Variants in TCF20 observed in about 807,000 individuals in gnomAD.
TCF20 encodes the protein transcription factor 20, also known as SPRE-binding protein.
A neutral mutation model predicts 148.6 loss-of-function variants in TCF20; 3 were observed. The ratio of observed to expected loss-of-function variants is 0.02; its 90% confidence interval spans 0.01 to 0.05. TCF20 has a LOEUF of 0.05. TCF20 is among the 10% of genes least tolerant of loss of function. TCF20 has a pLI of 1.00. For missense variants in TCF20, 2,350 were observed against 2,429.3 expected (o/e 0.97, Z 0.69); for synonymous variants, 1,049 against 909.5 (o/e 1.15, Z -2.76).
At chr22:42,273,360 CAAAAAAAAAAAAAAAAA>C (rs35166029), upstream of TCF20, among the ~76,000 whole-genome samples, 1 of 61,266 alleles carries the variant, frequency 1.6e-5, no homozygotes, top group Non-Finnish European at 2.9e-5. Context: ...AACTCCGTCT[CAAAAAAAAAAAAAAAAA>C]AAAAAAAAAA....
intron 1 of TCF20, among the ~76,000 whole-genome samples, chr22:42,240,652 A>G (rs546633022): frequency 6.6e-6 from 1 of 152,284 alleles, no homozygotes; most frequent in South Asian, 2.1e-4. Context: ...GAGGCCCAGA[A>G]AGTGCCTGGC....
intron 1 of TCF20, among the ~76,000 whole-genome samples, chr22:42,254,820 CCG>C (rs1925632680): frequency 6.6e-6 from 1 of 151,828 alleles, no homozygotes; most frequent in Non-Finnish European, 1.5e-5. Context: ...CAAAAATTAG[CCG>C]CGGGTGGAGG....
intron 1 of TCF20, among the ~76,000 whole-genome samples, chr22:42,241,021 A>G (rs1403226673): frequency 6.6e-6 from 1 of 151,910 alleles, no homozygotes; most frequent in African/African-American, 2.4e-5. Context: ...ACGCCCGGCT[A>G]ATTTCTGTAT....
chr22:42,266,470 GT>G (rs1926293351), intron 1 of TCF20, among the ~76,000 whole-genome samples: 1 of 152,184 alleles, frequency 6.6e-6, no homozygotes, highest in South Asian at 2.1e-4. Context: ...ATCTTACAGA[GT>G]TTTAAAAAGT....
At chr22:42,270,703 C>G (rs1926570339), upstream of TCF20, among the ~76,000 whole-genome samples, 1 of 121,502 alleles carries the variant, frequency 8.2e-6, no homozygotes, top group African/African-American at 3.0e-5. Flanking sequence ...CGGGCCGCGG[C>G]GCGCGGGCGG....
intron 2 of TCF20, among the ~76,000 whole-genome samples, chr22:42,184,542 C>T (rs1936953123): frequency 6.6e-6 from 1 of 152,074 alleles, no homozygotes; most frequent in African/African-American, 2.4e-5. Context: ...CATTATCATC[C>T]TCCTATGCTA....
Position 42,209,980 on chromosome 22 carries a change from C to CCTT in TCF20, c.5323_5325dup (p.Lys1775dup). 1 of 1,613,568 alleles carries CCTT rather than the reference C, an allele frequency of 6.2e-7. No individual in the cohort carries two copies. The highest frequency in any genetic ancestry group is 8.5e-7 in the Non-Finnish European group (1 of 1,180,026). On this transcript the variant is annotated inframe_insertion, in exon 2 of 6. Transcript: ENST00000677622. ...GGGTGTGCGGCCAGGCTTCTCTGCT[C>CCTT]CTTCTGCTGCTGCTGCTGCTCTTCC...
chr22:42,287,038 T>C (rs988682984), upstream of TCF20, among the ~76,000 whole-genome samples: 1 of 150,786 alleles, frequency 6.6e-6, no homozygotes, highest in African/African-American at 2.4e-5. Flanking sequence ...GGAGGAGGTA[T>C]GTAAGCTGGA....
chr22:42,306,755 G>A (rs1278026681), intron 1 of TCF20, among the ~76,000 whole-genome samples: 2 of 152,156 alleles, frequency 1.3e-5, no homozygotes, highest in Non-Finnish European at 2.9e-5. Flanking sequence ...TCTGAGAGGA[G>A]CGTCCAGGTT....
intron 2 of TCF20, among the ~76,000 whole-genome samples, chr22:42,194,234 T>TA (rs1569126275): frequency 1.3e-5 from 2 of 152,196 alleles, no homozygotes; most frequent in African/African-American, 4.8e-5. Context: ...TTTGTTGGCA[T>TA]ATTCACCTTA....
intron 1 of TCF20, among the ~76,000 whole-genome samples, chr22:42,337,645 G>C (rs934192165): frequency 4.6e-5 from 7 of 152,200 alleles, no homozygotes; most frequent in Admixed American, 1.3e-4. Context: ...GGACATTACT[G>C]GTTGCAAGAG....
chr22:42,329,517 C>T (rs1386454607), intron 1 of TCF20, among the ~76,000 whole-genome samples: 3 of 152,242 alleles, frequency 2.0e-5, no homozygotes, highest in East Asian at 1.9e-4. Context: ...CCATGAATGC[C>T]GAGCCAGAAC....
chr22:42,202,659 G>C (rs1319435221), intron 2 of TCF20, among the ~76,000 whole-genome samples: 1 of 152,234 alleles, frequency 6.6e-6, no homozygotes, highest in African/African-American at 2.4e-5. Flanking sequence ...AGCAAGCCTT[G>C]AGGGTCCCGC....
chr22:42,227,361 G>A (rs993657887), intron 1 of TCF20, among the ~76,000 whole-genome samples: 1 of 152,126 alleles, frequency 6.6e-6, no homozygotes. Flanking sequence ...CTCTTTCAAC[G>A]AGATTCTCCA....
chr22:42,312,301 G>A (rs924886092), intron 1 of TCF20, among the ~76,000 whole-genome samples: 3 of 152,294 alleles, frequency 2.0e-5, no homozygotes, highest in East Asian at 1.9e-4. Flanking sequence ...TACCAGGACA[G>A]CCCACACAGA....
At chr22:42,300,208 C>T (rs934266993) in intron 1 of TCF20, among the ~76,000 whole-genome samples, 2 of 152,020 alleles carry the variant, frequency 1.3e-5, no homozygotes, top group African/African-American at 4.8e-5. Flanking sequence ...AACCTGTTCC[C>T]CCAAGGAGAG....
chr22:42,282,823 G>C (rs1035468218), intron 1 of TCF20, among the ~76,000 whole-genome samples: 4 of 152,078 alleles, frequency 2.6e-5, no homozygotes, highest in Non-Finnish European at 5.9e-5. Flanking sequence ...TCGCCGGCCT[G>C]TCTGTCTCCA....
chr22:42,271,485 A>C (rs1261650535), upstream of TCF20, among the ~76,000 whole-genome samples: 1 of 152,208 alleles, frequency 6.6e-6, no homozygotes, highest in Non-Finnish European at 1.5e-5. Flanking sequence ...GAAGGGCTTG[A>C]CTTCTTTATA....
intron 1 of TCF20, among the ~76,000 whole-genome samples, chr22:42,263,036 T>C (rs992179104): frequency 6.6e-6 from 1 of 152,106 alleles, no homozygotes; most frequent in South Asian, 2.1e-4. Context: ...CTGCAGGCAG[T>C]CCACTTCACC....
Sources: gnomAD v4.1 joint callset for allele counts (sites outside exome capture counted in the v4.1 genomes callset) on GRCh38, gnomAD v4.1.1 for gene constraint, MANE v1.5 for transcripts, NCBI Gene and HGNC (gene_info 2026-07-23, HGNC 2026-07-21) for gene names.